The following RASGRF2 variants were observed in gnomAD, a reference collection of about 807,000 sequenced individuals.
RASGRF2 encodes ras-specific guanine nucleotide-releasing factor 2.
In RASGRF2, 76 loss-of-function variants were observed where a neutral mutation model predicts 151.0. The ratio of observed to expected loss-of-function variants is 0.50; its 90% confidence interval spans 0.42 to 0.61. The LOEUF (loss-of-function observed/expected upper bound fraction) is 0.61. Among genes scored for constraint, RASGRF2 ranks in the 20% least tolerant of loss-of-function variants. RASGRF2 has a pLI of 0.00. For missense variants in RASGRF2, 1,148 were observed against 1,564.6 expected (o/e 0.73, Z 4.49); for synonymous variants, 504 against 566.5 (o/e 0.89, Z 1.57).
chr5:81,155,729 T>C (rs1754246379), intron 17 of RASGRF2, among the ~76,000 whole-genome samples: 2 of 152,040 alleles, frequency 1.3e-5, no homozygotes. Context: ...TCTAAAGCAT[T>C]TATTAGGAGA....
chr5:81,159,676 G>A (rs928743070), intron 17 of RASGRF2, among the ~76,000 whole-genome samples: 7 of 152,200 alleles, frequency 4.6e-5, no homozygotes, highest in African/African-American at 7.2e-5. Context: ...CTAAATATCA[G>A]TGAACTCTGT....
rs1756030365 is a variant in RASGRF2 at position 81,227,858 on chromosome 5, C to A, written c.*2088C>A. The A allele has an allele frequency of 6.6e-6, 1 of 152,184 alleles. No individual in the cohort carries two copies. Among genetic ancestry groups the A allele is most frequent in the Admixed American group, 6.5e-5 (1 of 15,282 alleles). 9.4% of individuals were successfully genotyped at this position (152,184 alleles called of 1,614,324 possible). ...AGGGAAAGGGATGGTTCTGTGTGCA[C>A]TTTTTCTGGAAGTTCGGACTCATTT... On this transcript the variant is annotated 3_prime_UTR_variant, in exon 27 of 27. Transcript: ENST00000265080.
chr5:81,216,432 A>G (rs1006530406), intron 24 of RASGRF2, among the ~76,000 whole-genome samples: 1 of 151,838 alleles, frequency 6.6e-6, no homozygotes, highest in Non-Finnish European at 1.5e-5. Context: ...TTCTCCTGCA[A>G]CTGGTATTCT....
chr5:81,167,603 G>T (rs767846139), intron 17 of RASGRF2, among the ~76,000 whole-genome samples: 1 of 152,154 alleles, frequency 6.6e-6, no homozygotes, highest in African/African-American at 2.4e-5. Flanking sequence ...AAGTTCCAAC[G>T]CAGGGCACAG....
chr5:81,069,483 G>A (rs901425369), intron 3 of RASGRF2, among the ~76,000 whole-genome samples: 1 of 152,204 alleles, frequency 6.6e-6, no homozygotes, highest in Non-Finnish European at 1.5e-5. Context: ...AAAGAGGTTG[G>A]TATTTACTCC....
At chr5:81,162,022 C>G (rs73128886) in intron 17 of RASGRF2, among the ~76,000 whole-genome samples, 5 of 151,708 alleles carry the variant, frequency 3.3e-5, no homozygotes, top group Admixed American at 3.3e-4. Flanking sequence ...GCTTAAAACG[C>G]GTAGCCTAAC....
chr5:81,198,525 C>T (rs1177174079), intron 18 of RASGRF2, among the ~76,000 whole-genome samples: 1 of 152,064 alleles, frequency 6.6e-6, no homozygotes, highest in African/African-American at 2.4e-5. Context: ...CGGCAAGCTC[C>T]GCCTGCCGGG....
At chr5:80,977,475 T>TTATTTATTTATA (rs1172801487) in intron 1 of RASGRF2, among the ~76,000 whole-genome samples, 1 of 152,122 alleles carries the variant, frequency 6.6e-6, no homozygotes, top group Non-Finnish European at 1.5e-5. Flanking sequence ...ATTTATTTAT[T>TTATTTATTTATA]TATTGAGATG....
chr5:81,154,696 A>G (rs1186150528), intron 17 of RASGRF2, among the ~76,000 whole-genome samples: 3 of 152,232 alleles, frequency 2.0e-5, no homozygotes, highest in Non-Finnish European at 4.4e-5. Flanking sequence ...AGTCTCAAAT[A>G]TTTAGAAATT....
intron 17 of RASGRF2, among the ~76,000 whole-genome samples, chr5:81,127,923 C>CAAAAAAAAAAAAAAAAAAA (rs60196392): frequency 1.8e-4 from 12 of 64,866 alleles, no homozygotes; most frequent in Non-Finnish European, 2.3e-4. Context: ...GACTCCGTCT[C>CAAAAAAAAAAAAAAAAAAA]AAAAAAAAAA....
intron 1 of RASGRF2, among the ~76,000 whole-genome samples, chr5:81,034,944 T>C (rs1750427961): frequency 6.6e-6 from 1 of 151,460 alleles, no homozygotes; most frequent in Non-Finnish European, 1.5e-5. Context: ...ACTTAAAGTA[T>C]AATAAAAATA....
chr5:81,225,647 GT>G (rs756445685), intron 26 of RASGRF2, 30 bp from the exon 27 acceptor site: 1 of 1,608,678 alleles, frequency 6.2e-7, no homozygotes, highest in South Asian at 1.1e-5. Context: ...TCTGAAAGAG[GT>G]AAAAGCTGGG....
At chr5:81,087,765 G>A (rs1580299529) in intron 9 of RASGRF2, 2 of 191,096 alleles carry the variant, frequency 1.0e-5, no homozygotes, top group East Asian at 2.6e-4. Flanking sequence ...TTTGAATTTG[G>A]TGAGGAGTGG....
chr5:81,148,464 G>A (rs906425300), intron 17 of RASGRF2, among the ~76,000 whole-genome samples: 1 of 152,086 alleles, frequency 6.6e-6, no homozygotes, highest in Non-Finnish European at 1.5e-5. Flanking sequence ...ACAGGGCTCA[G>A]GGCATATTTG....
chr5:81,110,625 A>G (rs1296372696), intron 13 of RASGRF2, among the ~76,000 whole-genome samples: 1 of 150,406 alleles, frequency 6.6e-6, no homozygotes, highest in Non-Finnish European at 1.5e-5. Flanking sequence ...ATATCCCTTT[A>G]TAGGGTATGT....
At chr5:81,027,175 G>A (rs1235481300) in intron 1 of RASGRF2, among the ~76,000 whole-genome samples, 2 of 152,190 alleles carry the variant, frequency 1.3e-5, no homozygotes, top group South Asian at 2.1e-4. Context: ...AAAACACAGT[G>A]ATGGTGGTTG....
chr5:81,197,712 C>T (rs1401311700), intron 18 of RASGRF2, among the ~76,000 whole-genome samples: 1 of 152,064 alleles, frequency 6.6e-6, no homozygotes, highest in African/African-American at 2.4e-5. Flanking sequence ...AATGTCAGTG[C>T]TTCAAAATTA....
At chr5:81,213,226 A>G (rs1293310365) in intron 23 of RASGRF2, among the ~76,000 whole-genome samples, 2 of 152,020 alleles carry the variant, frequency 1.3e-5, no homozygotes, top group Non-Finnish European at 2.9e-5. Flanking sequence ...CTGATGATTC[A>G]TTGGGTACAG....
intron 17 of RASGRF2, among the ~76,000 whole-genome samples, chr5:81,129,362 A>AT (rs1013549776): frequency 1.8e-4 from 27 of 150,400 alleles, no homozygotes; most frequent in East Asian, 3.9e-4. Context: ...TATCTGTGTG[A>AT]TTTTTTTTTT....
Sources: gnomAD v4.1 joint callset for allele counts (sites outside exome capture counted in the v4.1 genomes callset) on GRCh38, gnomAD v4.1.1 for gene constraint, MANE v1.5 for transcripts, NCBI Gene and HGNC (gene_info 2026-07-23, HGNC 2026-07-21) for gene names.